Variants in GRIP1 observed in about 807,000 individuals in gnomAD.
GRIP1 encodes the protein glutamate receptor-interacting protein 1.
In GRIP1, 45 loss-of-function variants were observed where a neutral mutation model predicts 129.9. That is an observed-to-expected ratio of 0.35 (90% confidence interval 0.27 to 0.44). The LOEUF is 0.44. Among genes scored for constraint, GRIP1 ranks in the 20% least tolerant of loss-of-function variants. The pLI, the probability that GRIP1 is intolerant of heterozygous loss-of-function variation, is 1.00. For synonymous variants in GRIP1, 530 were observed against 520.8 expected, an observed-to-expected ratio of 1.02 and a Z score of -0.24; for missense variants, 1,196 against 1,396.8, an observed-to-expected ratio of 0.86 and a Z score of 2.29.
intron 1 of GRIP1, among the ~76,000 whole-genome samples, chr12:66,897,516 G>A (rs922619351): frequency 1.3e-5 from 2 of 152,180 alleles, no homozygotes; most frequent in Non-Finnish European, 2.9e-5. Flanking sequence ...TACAGCTGAG[G>A]AAGGCAATCA....
chr12:66,806,409 A>G (rs2038994054), upstream of GRIP1, among the ~76,000 whole-genome samples: 1 of 152,178 alleles, frequency 6.6e-6, no homozygotes, highest in African/African-American at 2.4e-5. Flanking sequence ...CCAAACATAT[A>G]TCTTGGTTTA....
At chr12:66,626,083 G>A (rs192501012) in intron 1 of GRIP1, among the ~76,000 whole-genome samples, 1 of 152,200 alleles carries the variant, frequency 6.6e-6, no homozygotes, top group Non-Finnish European at 1.5e-5. Context: ...CTTTCACTTT[G>A]GGAGGCCGAC....
chr12:66,408,874 A>G (rs922955432), intron 15 of GRIP1, among the ~76,000 whole-genome samples: 3 of 152,152 alleles, frequency 2.0e-5, no homozygotes, highest in Non-Finnish European at 4.4e-5. Context: ...TTGAGTGAAC[A>G]TCAGCAATAG....
intron 1 of GRIP1, among the ~76,000 whole-genome samples, chr12:66,874,658 G>A (rs962667262): frequency 1.3e-5 from 2 of 151,920 alleles, no homozygotes; most frequent in Non-Finnish European, 2.9e-5. Flanking sequence ...AGAGAGACGC[G>A]GCAGGTGCTA....
intron 19 of GRIP1, among the ~76,000 whole-genome samples, chr12:66,382,804 G>T (rs894181402): frequency 1.3e-5 from 2 of 152,196 alleles, no homozygotes; most frequent in African/African-American, 4.8e-5. Flanking sequence ...ATGTATAGGA[G>T]AAGGAGAAGA....
chr12:66,368,987 T>C (rs934172802), intron 23 of GRIP1, among the ~76,000 whole-genome samples: 2 of 152,206 alleles, frequency 1.3e-5, no homozygotes, highest in Admixed American at 6.5e-5. Context: ...AATAATTCCA[T>C]AGTATCTGGC....
Position 66,840,835 on chromosome 12 carries a change from C to T in GRIP1, c.58+228215G>A, listed in dbSNP as rs576735100. Among the ~76,000 whole-genome samples the T allele has an allele frequency of 7.9e-5, 12 of 152,256 alleles. No individual in the cohort carries two copies. In the South Asian group the frequency reaches 2.3e-3, roughly 29 times the overall value. On this transcript the variant is annotated intron_variant, in intron 1 of 1. Coordinates refer to the GRIP1 transcript ENST00000643019. ...TGCCTGACTGACAAGGTCAAACATG[C>T]ACAGACAGCCCAGTGAGCCTCTTTT...
At chr12:66,527,596 G>T (rs1382667178) in intron 5 of GRIP1, among the ~76,000 whole-genome samples, 3 of 151,994 alleles carry the variant, frequency 2.0e-5, no homozygotes, top group Non-Finnish European at 4.4e-5. Context: ...AATGGATGCA[G>T]CACACCAACA....
chr12:67,047,821 A>T (rs1186492947), intron 1 of GRIP1, among the ~76,000 whole-genome samples: 1 of 152,202 alleles, frequency 6.6e-6, no homozygotes, highest in Admixed American at 6.5e-5. Flanking sequence ...CGGTTTGTAT[A>T]AACAATTTTT....
intron 1 of GRIP1, among the ~76,000 whole-genome samples, chr12:66,703,828 A>G (rs1307836450): frequency 6.6e-6 from 1 of 152,152 alleles, no homozygotes; most frequent in Non-Finnish European, 1.5e-5. Flanking sequence ...ACAAATCCAT[A>G]GTAATGAAAA....
chr12:66,461,765 G>A (rs1163248969), intron 9 of GRIP1, among the ~76,000 whole-genome samples: 1 of 152,156 alleles, frequency 6.6e-6, no homozygotes, highest in Non-Finnish European at 1.5e-5. Context: ...GAAGTGTAGT[G>A]CATTTTAAAA....
intron 1 of GRIP1, among the ~76,000 whole-genome samples, chr12:67,044,803 G>A (rs1206799465): frequency 6.6e-6 from 1 of 152,150 alleles, no homozygotes; most frequent in Non-Finnish European, 1.5e-5. Flanking sequence ...CTGGGTACAT[G>A]TTTTTCAATG....
At chr12:66,949,760 C>CTTTTTTTTT (rs781123585) in intron 1 of GRIP1, among the ~76,000 whole-genome samples, 5 of 85,466 alleles carry the variant, frequency 5.9e-5, no homozygotes, top group Non-Finnish European at 1.1e-4. Flanking sequence ...CATGCTCCTC[C>CTTTTTTTTT]TTTTTTTTTT....
At chr12:66,574,167 T>C (rs1241409613) in intron 2 of GRIP1, among the ~76,000 whole-genome samples, 1 of 152,206 alleles carries the variant, frequency 6.6e-6, no homozygotes, top group Non-Finnish European at 1.5e-5. Context: ...TTCTTCCTCA[T>C]CTGCAGGGCT....
chr12:66,741,892 C>G (rs2036799226), intron 1 of GRIP1, among the ~76,000 whole-genome samples: 1 of 152,170 alleles, frequency 6.6e-6, no homozygotes, highest in East Asian at 1.9e-4. Flanking sequence ...AAACAGCCAG[C>G]TTTTTCCTTA....
At chr12:66,801,613 G>A (rs915995129) in intron 1 of GRIP1, among the ~76,000 whole-genome samples, 3 of 152,104 alleles carry the variant, frequency 2.0e-5, no homozygotes, top group African/African-American at 7.2e-5. Context: ...TATCAGAACT[G>A]GAAAATGTAC....
intron 1 of GRIP1, among the ~76,000 whole-genome samples, chr12:66,901,872 T>C (rs376435588): frequency 6.1e-4 from 93 of 152,316 alleles, no homozygotes; most frequent in African/African-American, 2.2e-3. Flanking sequence ...CACAATTGTA[T>C]TGTAATGTTT....
intron 7 of GRIP1, among the ~76,000 whole-genome samples, chr12:66,484,058 A>G (rs890356154): frequency 5.3e-5 from 8 of 151,432 alleles, no homozygotes; most frequent in African/African-American, 1.9e-4. Flanking sequence ...ACGGGGTTTC[A>G]CCGTTTTAGC....
intron 1 of GRIP1, among the ~76,000 whole-genome samples, chr12:66,667,743 G>C (rs73128830): frequency 2.6e-5 from 4 of 152,264 alleles, no homozygotes; most frequent in Non-Finnish European, 5.9e-5. Context: ...TTTCTTAAGA[G>C]ACTGGCTTTC....
Sources: allele counts gnomAD v4.1 joint callset (sites outside exome capture counted in the v4.1 genomes callset), GRCh38; gene constraint gnomAD v4.1.1; transcripts MANE v1.5; gene names NCBI Gene and HGNC (gene_info 2026-07-23, HGNC 2026-07-21).